CPLANE1: variants seen among roughly 807,000 people sequenced by gnomAD.
CPLANE1 encodes ciliogenesis and planar polarity effector 1.
In CPLANE1, 263 loss-of-function variants were observed where a neutral mutation model predicts 362.5. That is an observed-to-expected ratio of 0.73 (90% CI 0.66 to 0.80). CPLANE1 has a LOEUF of 0.80. Among genes scored for constraint, CPLANE1 ranks in the 30% least tolerant of loss-of-function variants. CPLANE1 has a pLI of 0.00. For synonymous variants in CPLANE1, 1,212 were observed against 1,302.6 expected (o/e 0.93, Z 1.50); for missense variants, 3,461 against 3,793.4 (o/e 0.91, Z 2.30).
At chr5:37,122,582 A>C in intron 47 of CPLANE1, 94 bp from the exon 48 acceptor site, 1 of 924,672 alleles carries the variant, frequency 1.1e-6, no homozygotes, top group Non-Finnish European at 1.7e-6. Flanking sequence ...AGTACAAAAC[A>C]CTGTCGTGTT....
chr5:37,116,444 C>T (rs1212105521), intron 50 of CPLANE1, among the ~76,000 whole-genome samples: 1 of 145,250 alleles, frequency 6.9e-6, no homozygotes, highest in Non-Finnish European at 1.5e-5. Context: ...TGAGATCACG[C>T]CACTGCACTC....
chr5:37,093,558 C>G, the CPLANE1 span, among the ~76,000 whole-genome samples: 1 of 152,180 alleles, frequency 6.6e-6, no homozygotes, highest in Non-Finnish European at 1.5e-5. Context: ...GATCATCTCT[C>G]CTGGTTAGAC....
In CPLANE1 at chr5:37,107,793, A is replaced by G. The variant is rs1215830345; in HGVS notation, c.9580-15T>C. 3.8e-6 allele frequency: 6 copies of G among 1,584,280 alleles called. No homozygotes were observed. The highest frequency in any genetic ancestry group is 5.2e-6 in the Non-Finnish European group (6 of 1,162,706). ...GGAGACAAGTCCTATTAAATTGAAAAGACAATTGTGGTCCTAGCCCCTAAA... is the reference window on the plus strand; with the variant it reads ...GGAGACAAGTCCTATTAAATTGAAAGGACAATTGTGGTCCTAGCCCCTAAA... On this transcript the variant is annotated splice_polypyrimidine_tract_variant and intron_variant, in intron 52 of 52. Coordinates refer to ENST00000651892, the MANE Select transcript of CPLANE1 (RefSeq NM_001384732.1).
In CPLANE1 at chr5:37,169,546, TC is replaced by T. The variant is rs747815682; in HGVS notation, c.6477del (p.Ser2160ValfsTer7). 44 of 1,602,214 alleles carry T rather than the reference TC, an allele frequency of 2.7e-5. No individual in the cohort carries two copies. Among genetic ancestry groups the T allele is most frequent in the Non-Finnish European group, 3.2e-5 (38 of 1,174,742 alleles). On this transcript the variant is annotated frameshift_variant, in exon 34 of 53. Coordinates refer to ENST00000651892, the MANE Select transcript of CPLANE1 (RefSeq NM_001384732.1). LOFTEE classifies it high-confidence loss of function. Reference sequence around the variant, plus strand: ...CCATTTAATTGACATAAAGGAATACTCCCATGTGGAACATTCTGGAAGAGAA... The same window carrying T: ...CCATTTAATTGACATAAAGGAATACTCCATGTGGAACATTCTGGAAGAGAA... ...STGNVQNVPHGSIPLCQLNGQ... is the reference protein window; with the variant it reads ...STGNVQNVPHXSIPLCQLNGQ...
chr5:37,158,235 CTG>C lies in CPLANE1; in HGVS notation c.7799_7800del (p.Thr2600SerfsTer14). Reference protein sequence around the residue: ...EKPWSPSIPHTVTNLVGHTYI... With the variant: ...EKPWSPSIPHXVTNLVGHTYI... The stretch of plus-strand genomic sequence containing the variant: ...AATAAAACACAAACCAAGTTTGTTA[CTG>C]TATGAGGTATTGAGGGTGACCAAGG... On this transcript the variant is annotated frameshift_variant, in exon 39 of 53. Transcript: ENST00000651892. LOFTEE classifies it high-confidence loss of function. 6.2e-7 allele frequency: 1 copy of C among 1,613,566 alleles called. No homozygotes were observed. Among genetic ancestry groups the C allele is most frequent in the Non-Finnish European group, 8.5e-7 (1 of 1,179,716 alleles).
At chr5:37,193,430 G>A (rs1201885344) in intron 21 of CPLANE1, among the ~76,000 whole-genome samples, 2 of 152,234 alleles carry the variant, frequency 1.3e-5, no homozygotes, top group Middle Eastern at 3.4e-3. Context: ...TGAGGCAGGC[G>A]GATTACCTGA....
chr5:37,124,024 CTG>C (rs1763456682), intron 47 of CPLANE1, among the ~76,000 whole-genome samples: 1 of 151,902 alleles, frequency 6.6e-6, no homozygotes, highest in African/African-American at 2.4e-5. Flanking sequence ...CTCAGTAGCC[CTG>C]AAGGTCACTA....
intron 19 of CPLANE1, among the ~76,000 whole-genome samples, 157 bp downstream of exon 19, chr5:37,201,434 C>G (rs2150061324): frequency 6.6e-6 from 1 of 152,178 alleles, no homozygotes; most frequent in East Asian, 1.9e-4. Flanking sequence ...TAGTACATTC[C>G]CTAAGATTAT....
rs966675719 is a variant in CPLANE1 at position 37,106,370 on chromosome 5, G to C, written c.*1232C>G. The C allele has an allele frequency of 1.2e-5, 2 of 161,176 alleles. No individual in the cohort carries two copies. Among genetic ancestry groups the C allele is most frequent in the African/African-American group, 2.4e-5 (1 of 41,596 alleles). The allele number at this position is 161,176 out of a possible 1,614,324, so 10.0% of individuals were successfully genotyped here. A position where few individuals can be genotyped will look rare whatever the true frequency, so the allele number is the denominator to read the frequency against. On this transcript the variant is annotated 3_prime_UTR_variant, in exon 53 of 53. Coordinates refer to ENST00000651892, the MANE Select transcript of CPLANE1 (RefSeq NM_001384732.1). ...CAACACAAATAAATGATAAATGTTT[G>C]AGGTGATGAATATCCCAATTACCCT...
chr5:37,148,105 A>G, intron 43 of CPLANE1, 76 bp downstream of exon 43: 2 of 988,212 alleles, frequency 2.0e-6, no homozygotes, highest in South Asian at 3.9e-5. Context: ...TACTTCTGGC[A>G]CTCCACAAAA....
intron 51 of CPLANE1, among the ~76,000 whole-genome samples, chr5:37,112,231 G>A (rs182498057): frequency 8.0e-4 from 122 of 152,298 alleles, no homozygotes; most frequent in African/African-American, 2.8e-3. Context: ...TAAGAGTCTT[G>A]CATTTTAGGA....
chr5:37,085,657 G>A, the CPLANE1 span: 1 of 1,053,540 alleles, frequency 9.5e-7, no homozygotes. Flanking sequence ...CCAACAGAGA[G>A]AGGCACCCTG....
the CPLANE1 span, among the ~76,000 whole-genome samples, chr5:37,100,368 CT>C: frequency 6.6e-6 from 1 of 152,142 alleles, no homozygotes; most frequent in East Asian, 1.9e-4. Context: ...AAAAGGGAAT[CT>C]TTTCCCCTTT....
chr5:37,102,489 C>A (rs539663535), downstream of CPLANE1, among the ~76,000 whole-genome samples: 34 of 152,090 alleles, frequency 2.2e-4, no homozygotes, highest in African/African-American at 8.2e-4. Flanking sequence ...TGCCTGGCCT[C>A]TAGTTTAGTT....
At chr5:37,194,760 C>G (rs1339200479) in intron 21 of CPLANE1, among the ~76,000 whole-genome samples, 2 of 151,542 alleles carry the variant, frequency 1.3e-5, no homozygotes, top group Non-Finnish European at 1.5e-5. Context: ...CCCTCAAACT[C>G]CTAGGCTCAA....
intron 26 of CPLANE1, 87 bp downstream of exon 26, chr5:37,182,673 A>T: frequency 1.2e-6 from 1 of 832,734 alleles, no homozygotes; most frequent in Non-Finnish European, 1.8e-6. Context: ...TTATTTAATG[A>T]TTCTTTAAAA....
chr5:37,138,674 T>C (rs764665278), intron 46 of CPLANE1, 46 bp downstream of exon 46: 2 of 1,561,680 alleles, frequency 1.3e-6, no homozygotes, highest in African/African-American at 1.4e-5. Context: ...CATTCTTGAA[T>C]GAGAAGCATT....
In CPLANE1 at chr5:37,169,436, G is replaced by GT. The variant is rs1779139768; in HGVS notation, c.6587dup (p.His2196GlnfsTer16). On this transcript the variant is annotated frameshift_variant, in exon 34 of 53. Transcript: ENST00000651892. LOFTEE classifies it high-confidence loss of function. ...CAGAAGGTGTGGACAAAAGGTAGAG[G>GT]TGAGTATTTCCAGCAGGAGCTGGAT... 6.2e-7 allele frequency: 1 copy of GT among 1,614,080 alleles called. No homozygotes were observed. Among genetic ancestry groups the GT allele is most frequent in the Non-Finnish European group, 8.5e-7 (1 of 1,180,042 alleles).
At chr5:37,162,716 GC>G (rs1561454800) in intron 37 of CPLANE1, 150 bp from the exon 38 acceptor site, 1 of 505,156 alleles carries the variant, frequency 2.0e-6, no homozygotes, top group African/African-American at 2.0e-5. Context: ...GTCTGGCTCT[GC>G]TGCCCAGGCT....
Sources: gnomAD v4.1 joint callset for allele counts (sites outside exome capture counted in the v4.1 genomes callset) on GRCh38, gnomAD v4.1.1 for gene constraint, MANE v1.5 for transcripts, NCBI Gene and HGNC (gene_info 2026-07-23, HGNC 2026-07-21) for gene names.